The following DISC1 variants were observed in gnomAD, a reference collection of about 807,000 sequenced individuals.
DISC1 encodes the protein DISC1 scaffold protein, also known as disrupted in schizophrenia 1 protein.
A neutral mutation model predicts 84.5 loss-of-function variants in DISC1; 57 were observed. That is an observed-to-expected ratio of 0.67 (90% CI 0.55 to 0.84). The LOEUF (loss-of-function observed/expected upper bound fraction) is 0.84. Among genes scored for constraint, DISC1 ranks in the 40% least tolerant of loss-of-function variants. DISC1 has a pLI of 0.00. For missense variants in DISC1, 1,000 were observed against 1,057.8 expected (o/e 0.95, Z 0.76); for synonymous variants, 411 against 415.2 (o/e 0.99, Z 0.12).
intron 1 of DISC1, among the ~76,000 whole-genome samples, chr1:231,645,481 A>C (rs1362910223): frequency 6.6e-6 from 1 of 151,342 alleles, no homozygotes; most frequent in Non-Finnish European, 1.5e-5. Context: ...GGCAGAGACC[A>C]GGCAGTTTAT....
chr1:231,647,590 G>A (rs1037865153), intron 1 of DISC1, among the ~76,000 whole-genome samples: 6 of 152,106 alleles, frequency 3.9e-5, no homozygotes, highest in South Asian at 2.1e-4. Flanking sequence ...TTCCAATTCT[G>A]TGAAGAAAGT....
intron 4 of DISC1, among the ~76,000 whole-genome samples, chr1:231,753,361 T>C (rs1360510069): frequency 5.9e-5 from 9 of 152,238 alleles, no homozygotes; most frequent in African/African-American, 2.2e-4. Flanking sequence ...ATGTGGAAAT[T>C]GCCAAGGCTT....
chr1:231,800,247 C>T (rs1344430945), intron 8 of DISC1, 37 bp downstream of exon 8: 2 of 1,490,964 alleles, frequency 1.3e-6, no homozygotes, highest in East Asian at 2.3e-5. Context: ...AGCTATCCAA[C>T]TAAAATAATG....
intron 10 of DISC1, 29 bp downstream of exon 10, chr1:231,958,917 C>G: frequency 6.2e-7 from 1 of 1,600,028 alleles, no homozygotes. Flanking sequence ...GTATTTCAGA[C>G]TCCGTAGCAC....
At chr1:231,989,067 T>A (rs1664847650) in intron 10 of DISC1, among the ~76,000 whole-genome samples, 1 of 152,234 alleles carries the variant, frequency 6.6e-6, no homozygotes, top group Non-Finnish European at 1.5e-5. Flanking sequence ...CATTAACCAG[T>A]CCTTGCTATC....
chr1:231,805,919 C>T (rs1558577341), intron 8 of DISC1, among the ~76,000 whole-genome samples: 1 of 152,260 alleles, frequency 6.6e-6, no homozygotes, highest in African/African-American at 2.4e-5. Context: ...TAGAGAGAAA[C>T]TTGGGCTTTG....
chr1:231,692,192 C>T (rs2065121212), intron 1 of DISC1, among the ~76,000 whole-genome samples: 1 of 152,140 alleles, frequency 6.6e-6, no homozygotes, highest in African/African-American at 2.4e-5. Context: ...TACCGATCTC[C>T]TAGGGTTATA....
intron 9 of DISC1, among the ~76,000 whole-genome samples, chr1:231,911,789 T>G (rs1490644462): frequency 2.0e-5 from 3 of 152,212 alleles, no homozygotes; most frequent in Admixed American, 6.5e-5. Flanking sequence ...GGTTCCTTTC[T>G]CCCCATTACT....
chr1:231,997,546 C>G (rs1044909803), intron 10 of DISC1, among the ~76,000 whole-genome samples: 4 of 152,080 alleles, frequency 2.6e-5, no homozygotes, highest in African/African-American at 9.7e-5. Flanking sequence ...CCAATCCTAC[C>G]TAGGTGCTTC....
At chr1:231,821,990 C>T (rs971348169) in intron 9 of DISC1, among the ~76,000 whole-genome samples, 8 of 152,088 alleles carry the variant, frequency 5.3e-5, no homozygotes, top group Admixed American at 2.0e-4. Context: ...CGTGAGCCAC[C>T]GCGCCCGGCC....
chr1:231,949,446 A>G (rs201218057), intron 9 of DISC1, among the ~76,000 whole-genome samples: 3 of 152,110 alleles, frequency 2.0e-5, no homozygotes, highest in Admixed American at 6.5e-5. Flanking sequence ...TAGCCAACAA[A>G]AGGCTTTCCT....
intron 9 of DISC1, among the ~76,000 whole-genome samples, chr1:231,907,174 T>TCTCTTA (rs2088800580): frequency 6.7e-6 from 1 of 149,044 alleles, no homozygotes; most frequent in Non-Finnish European, 1.5e-5. Context: ...TCTTTCTCTT[T>TCTCTTA]CTTTTATTAT....
chr1:231,960,335 C>T (rs1660213998), intron 10 of DISC1, among the ~76,000 whole-genome samples: 1 of 152,140 alleles, frequency 6.6e-6, no homozygotes, highest in Non-Finnish European at 1.5e-5. Context: ...CTCACTGCAA[C>T]CTCTGCCTCC....
At chr1:231,773,222 C>T (rs2076690517) in intron 6 of DISC1, among the ~76,000 whole-genome samples, 1 of 152,190 alleles carries the variant, frequency 6.6e-6, no homozygotes, top group African/African-American at 2.4e-5. Context: ...AAACTAGGAG[C>T]TCCACAGTGT....
At chr1:231,842,850 T>C (rs1446920265) in intron 9 of DISC1, among the ~76,000 whole-genome samples, 1 of 152,188 alleles carries the variant, frequency 6.6e-6, no homozygotes, top group Admixed American at 6.5e-5. Context: ...AGGATTATGA[T>C]TCAAATTTGG....
chr1:231,891,197 C>T (rs1415060800), intron 9 of DISC1, among the ~76,000 whole-genome samples: 1 of 152,038 alleles, frequency 6.6e-6, no homozygotes, highest in African/African-American at 2.4e-5. Context: ...CTAACACTAA[C>T]AATAGCTGAT....
In DISC1 at chr1:231,800,094, TTC is replaced by T; in HGVS notation, c.1690-9_1690-8del. ...TGAATAAATGATGATTCCTGGTCAT[TTC>T]TCTCCCCCTAGGTGTGTATGAGTGA... On this transcript the variant is annotated splice_polypyrimidine_tract_variant and intron_variant, in intron 7 of 12. Coordinates refer to ENST00000439617, the MANE Select transcript of DISC1 (RefSeq NM_018662.3). 4 of 1,596,474 alleles carry T rather than the reference TTC, an allele frequency of 2.5e-6. No homozygotes were observed. Among genetic ancestry groups the T allele is most frequent in the Non-Finnish European group, 2.6e-6 (3 of 1,166,504 alleles).
chr1:231,865,789 CCT>C (rs1374528590), intron 9 of DISC1, among the ~76,000 whole-genome samples: 1 of 152,164 alleles, frequency 6.6e-6, no homozygotes, highest in African/African-American at 2.4e-5. Flanking sequence ...AGCCAGTGTG[CCT>C]CTTAGTTCCA....
chr1:231,650,346 T>C (rs2060506417), intron 1 of DISC1, among the ~76,000 whole-genome samples: 1 of 152,202 alleles, frequency 6.6e-6, no homozygotes, highest in Non-Finnish European at 1.5e-5. Flanking sequence ...GGATATGAAA[T>C]TCTGGGCTGA....
Sources: allele counts gnomAD v4.1 joint callset (sites outside exome capture counted in the v4.1 genomes callset), GRCh38; gene constraint gnomAD v4.1.1; transcripts MANE v1.5; gene names NCBI Gene and HGNC (gene_info 2026-07-23, HGNC 2026-07-21).